USP25: variants seen among roughly 807,000 people sequenced by gnomAD.
The protein encoded by USP25 is ubiquitin specific peptidase 25, also known as ubiquitin carboxyl-terminal hydrolase 25.
A neutral mutation model predicts 158.5 loss-of-function variants in USP25; 85 were observed. The ratio of observed to expected loss-of-function variants is 0.54; its 90% CI spans 0.45 to 0.64. USP25 has a LOEUF of 0.64. Ranked by LOEUF, USP25 falls within the 30% of genes least tolerant of loss-of-function variation. The pLI, the probability that USP25 is intolerant of heterozygous loss-of-function variation, is 0.00. For synonymous variants in USP25, 464 were observed against 460.4 expected, an observed-to-expected ratio of 1.01 and a Z score of -0.10; for missense variants, 1,242 against 1,327.3, an observed-to-expected ratio of 0.94 and a Z score of 1.00.
intron 19 of USP25, among the ~76,000 whole-genome samples, chr21:15,849,087 C>T (rs1049124965): frequency 2.6e-5 from 4 of 152,102 alleles, no homozygotes; most frequent in Admixed American, 6.6e-5. Flanking sequence ...TGGGAACTGG[C>T]ATGTTTTTAA....
intron 8 of USP25, among the ~76,000 whole-genome samples, chr21:15,810,283 T>C (rs1288707204): frequency 6.6e-6 from 1 of 152,142 alleles, no homozygotes; most frequent in African/African-American, 2.4e-5. Flanking sequence ...AACATTATTC[T>C]AAGGATTAAA....
At chr21:15,864,505 T>G in intron 21 of USP25, 59 bp downstream of exon 21, 111 of 1,379,274 alleles carry the variant, frequency 8.0e-5, no homozygotes, top group Non-Finnish European at 9.3e-5. Context: ...TTCCTGCAGA[T>G]TCCCAGGATA....
At chr21:15,800,308 A>G (rs1426198693) in intron 6 of USP25, among the ~76,000 whole-genome samples, 1 of 151,220 alleles carries the variant, frequency 6.6e-6, no homozygotes, top group Non-Finnish European at 1.5e-5. Context: ...TAAAGTGACA[A>G]CACACACACC....
chr21:15,774,229 A>G (rs993965855), intron 3 of USP25, among the ~76,000 whole-genome samples: 51 of 152,078 alleles, frequency 3.4e-4, no homozygotes, highest in African/African-American at 1.1e-3. Context: ...TTTTGGATGG[A>G]TCTTTTACCC....
At chr21:15,773,804 T>G (rs767763460) in intron 3 of USP25, among the ~76,000 whole-genome samples, 20 of 152,212 alleles carry the variant, frequency 1.3e-4, no homozygotes, top group Non-Finnish European at 2.4e-4. Context: ...AAAATGTCAG[T>G]CTATTATGTT....
chr21:15,775,830 CCT>C (rs1238545789), intron 3 of USP25, among the ~76,000 whole-genome samples: 11 of 145,422 alleles, frequency 7.6e-5, no homozygotes, highest in African/African-American at 2.5e-4. Flanking sequence ...CATCCAAAAC[CCT>C]AACTGCCAGT....
intron 4 of USP25, among the ~76,000 whole-genome samples, chr21:15,781,917 A>G (rs1054464812): frequency 1.3e-5 from 2 of 152,180 alleles, no homozygotes; most frequent in Admixed American, 6.5e-5. Flanking sequence ...CCAAGCAGCT[A>G]AGGGATGACA....
intron 1 of USP25, among the ~76,000 whole-genome samples, chr21:15,753,785 A>G (rs915163804): frequency 6.6e-6 from 1 of 152,180 alleles, no homozygotes; most frequent in South Asian, 2.1e-4. Context: ...GCAGATTAAC[A>G]GGAGAAAACC....
chr21:15,853,138 C>T (rs900388417), intron 20 of USP25, among the ~76,000 whole-genome samples: 2 of 152,088 alleles, frequency 1.3e-5, no homozygotes, highest in Non-Finnish European at 2.9e-5. Context: ...TATAACAATG[C>T]ACATATACAG....
chr21:15,858,600 C>G (rs183786328), intron 20 of USP25, among the ~76,000 whole-genome samples: 66 of 151,924 alleles, frequency 4.3e-4, no homozygotes, highest in African/African-American at 1.6e-3. Flanking sequence ...TTTCAGTAAA[C>G]TGTCTCCCAA....
rs1384837781 is a variant in USP25 at position 15,875,136 on chromosome 21, C to CTT, written c.3009+610_3009+611insTT. On this transcript the variant is annotated intron_variant, in intron 24 of 25. Coordinates refer to ENST00000400183, the MANE Select transcript of USP25 (RefSeq NM_001283041.3). The surrounding 1 kb of genome is among the most constrained non-coding windows in gnomAD (Gnocchi z 4.7). The stretch of plus-strand genomic sequence containing the variant: ...GCCTTGAGCCAAGATCGCGCCACTG[C>CTT]ATTCCATCCTGGCAACCAGGTGACA... Among the ~76,000 whole-genome samples the CTT allele has an allele frequency of 7.2e-5, 11 of 152,298 alleles. No homozygotes were observed. The highest frequency in any genetic ancestry group is 2.6e-4 in the Admixed American group (4 of 15,304).
intron 3 of USP25, among the ~76,000 whole-genome samples, chr21:15,770,045 C>G (rs2034265390): frequency 6.6e-6 from 1 of 151,294 alleles, no homozygotes; most frequent in African/African-American, 2.4e-5. Flanking sequence ...GAGGTTCTAT[C>G]CTAGAATTCT....
intron 1 of USP25, among the ~76,000 whole-genome samples, chr21:15,750,859 G>A (rs1032416896): frequency 8.1e-5 from 9 of 110,692 alleles, no homozygotes; most frequent in Admixed American, 6.5e-4. Flanking sequence ...GTCTGCCTCC[G>A]CCTCCGCCTC....
intron 10 of USP25, among the ~76,000 whole-genome samples, chr21:15,820,379 C>T (rs1364494556): frequency 2.0e-5 from 3 of 151,918 alleles, no homozygotes; most frequent in African/African-American, 7.2e-5. Flanking sequence ...GATTTGTCCT[C>T]CATCTTTTTA....
rs181030524 is a variant in USP25, at chr21:15,826,076, T to A, written c.1305-128T>A. ...TATATTCAGTTTTACCATCTTCGTT[T>A]TAAAGCAAATGAATTTTATTGCTGA... On this transcript the variant is annotated intron_variant, in intron 12 of 25. Transcript: ENST00000400183. The surrounding 1 kb of genome is among the most constrained non-coding windows in gnomAD (Gnocchi z 4.8). 3.0e-3 allele frequency: 3,192 copies of A among 1,070,832 alleles called. 56 individuals are homozygous for A. The African/African-American group carries it at 0.043, about 15-fold the overall frequency. 66.3% of individuals were successfully genotyped at this position (1,070,832 alleles called of 1,614,324 possible). A position where few individuals can be genotyped will look rare whatever the true frequency, so the allele number is the denominator to read the frequency against.
In USP25 at chr21:15,874,462, C is replaced by A. The variant is rs776634745; in HGVS notation, c.2945C>A (p.Ser982Tyr). ...CAYQNNKELL[S>Y]KGLYRGHDEE... is the part of the protein sequence containing the mutation. Reference sequence around the variant, plus strand: ...TATCAGAATAACAAAGAACTCTTGTCTAAAGGCTTATACAGAGGACATGAT... The same window carrying A: ...TATCAGAATAACAAAGAACTCTTGTATAAAGGCTTATACAGAGGACATGAT... Residue 982 changes from serine to tyrosine, a missense_variant, in exon 24 of 26, where the codon TCT becomes TAT. This residue lies in a region of USP25 where 608 missense variants were observed against 605.2 expected (regional missense o/e 1.00). Coordinates refer to ENST00000400183, the MANE Select transcript of USP25 (RefSeq NM_001283041.3). 6.2e-7 allele frequency: 1 copy of A among 1,611,360 alleles called. No individual in the cohort carries two copies. The highest frequency in any genetic ancestry group is 1.1e-5 in the South Asian group (1 of 90,776).
intron 22 of USP25, 140 bp from the exon 23 acceptor site, chr21:15,869,928 A>G: frequency 2.0e-6 from 1 of 509,372 alleles, no homozygotes; most frequent in Non-Finnish European, 3.3e-6. Context: ...GTCTTGTTTT[A>G]GTTCTGATGT....
chr21:15,813,020 C>A (rs1252767505), intron 9 of USP25, among the ~76,000 whole-genome samples: 1 of 151,602 alleles, frequency 6.6e-6, no homozygotes, highest in Non-Finnish European at 1.5e-5. Flanking sequence ...TCTTTCCCCC[C>A]TTCCCTTCTG....
intron 1 of USP25, among the ~76,000 whole-genome samples, chr21:15,742,107 C>CT (rs11339410): frequency 0.041 from 5,836 of 140,668 alleles, 280 homozygotes; most frequent in African/African-American, 0.13. Flanking sequence ...AAGATACTTC[C>CT]TTTTTTTTTT....
Sources: gnomAD v4.1 joint callset for allele counts (sites outside exome capture counted in the v4.1 genomes callset) on GRCh38, gnomAD v4.1.1 for gene constraint, gnomAD v4.1.1 regional missense constraint, Gnocchi (gnomAD v3.1) non-coding constraint, MANE v1.5 for transcripts, NCBI Gene and HGNC (gene_info 2026-07-23, HGNC 2026-07-21) for gene names.